FAM161A: variants seen among roughly 807,000 people sequenced by gnomAD.
FAM161A encodes protein FAM161A.
Under a neutral mutation model 70.9 loss-of-function variants are expected in FAM161A, and 57 were observed. That is an observed-to-expected ratio of 0.80 (90% confidence interval 0.65 to 1.00). The LOEUF (loss-of-function observed/expected upper bound fraction) is 1.00. Ranked by LOEUF, FAM161A falls within the 50% of genes least tolerant of loss-of-function variation. The pLI is 0.00. For missense variants in FAM161A, 880 were observed against 836.0 expected, an observed-to-expected ratio of 1.05 and a Z score of -0.65; for synonymous variants, 299 against 295.7, an observed-to-expected ratio of 1.01 and a Z score of -0.12.
chr2:61,817,372 C>T, the FAM161A span, among the ~76,000 whole-genome samples: 1 of 152,144 alleles, frequency 6.6e-6, no homozygotes, highest in Non-Finnish European at 1.5e-5. Flanking sequence ...CTTCTCTGTA[C>T]CTGGTACAAG....
rs1672959627 is a variant in FAM161A, at chr2:61,840,184, C to T, written c.820G>A (p.Glu274Lys). Residue 274 changes from glutamate to lysine, a missense_variant, in exon 3 of 7, where the codon GAG (glutamate) becomes AAG (lysine). Glu to Lys is a moderately conservative substitution (Grantham distance 56, BLOSUM62 1). Coordinates refer to ENST00000404929, the MANE Select transcript of FAM161A (RefSeq NM_001201543.2). ...MVHKALKKQE[E>K]DPEYKKKFRA... is the part of the protein sequence containing the mutation. ...AATTTCTTCTTATACTCTGGATCCT[C>T]TTCTTGTTTTTTGAGCGCTTTATGT... is the stretch of plus-strand genomic sequence containing the variant. 6.2e-7 allele frequency: 1 copy of T among 1,613,912 alleles called. No individual in the cohort carries two copies. Among genetic ancestry groups the T allele is most frequent in the African/African-American group, 1.3e-5 (1 of 74,870 alleles).
At chr2:61,852,401 T>C (rs917202196) in intron 1 of FAM161A, among the ~76,000 whole-genome samples, 5 of 152,202 alleles carry the variant, frequency 3.3e-5, no homozygotes, top group Non-Finnish European at 5.9e-5. Context: ...CTCATTTACA[T>C]AGATTGCTCT....
chr2:61,846,872 G>C, intron 1 of FAM161A: 2 of 451,744 alleles, frequency 4.4e-6, no homozygotes, highest in South Asian at 3.2e-5. Flanking sequence ...CCAGTATGCA[G>C]TTTTCACTCG....
intron 1 of FAM161A, among the ~76,000 whole-genome samples, chr2:61,853,535 A>G: frequency 6.6e-6 from 1 of 152,212 alleles, no homozygotes; most frequent in East Asian, 1.9e-4. Flanking sequence ...ATAGCCAGAT[A>G]TATCTCTATA....
chr2:61,810,051 A>C, the FAM161A span, among the ~76,000 whole-genome samples: 1 of 152,206 alleles, frequency 6.6e-6, no homozygotes, highest in Non-Finnish European at 1.5e-5. Context: ...CCCAGGCAAG[A>C]CCAGCAGAAA....
At chr2:61,849,328 G>C (rs1265873889) in intron 1 of FAM161A, among the ~76,000 whole-genome samples, 1 of 150,174 alleles carries the variant, frequency 6.7e-6, no homozygotes, top group Non-Finnish European at 1.5e-5. Context: ...AGCGTCATAT[G>C]TAACATTTGA....
At chr2:61,821,028 T>A (rs1188384186), downstream of FAM161A, among the ~76,000 whole-genome samples, 2 of 152,214 alleles carry the variant, frequency 1.3e-5, no homozygotes, top group African/African-American at 4.8e-5. Context: ...GATATAAGCA[T>A]ACATTTTATG....
rs910936601 is a variant in FAM161A at position 61,840,502 on chromosome 2, A to G, written c.502T>C (p.Ser168Pro). The G allele has an allele frequency of 1.2e-6, 2 of 1,614,032 alleles. No homozygotes were observed. Among genetic ancestry groups the G allele is most frequent in the Non-Finnish European group, 1.7e-6 (2 of 1,179,906 alleles). The change falls in exon 3 of 7, where the codon TCC becomes CCC. Residue 168 changes from serine (S) to proline (P), a missense_variant. Ser to Pro is a moderately conservative substitution (Grantham distance 74). Transcript: ENST00000404929. ...FSEPDLGQSS[S>P]LYVSSSEEEL... ...TCTTCAGAGGAGGACACATACAAGG[A>G]GGAAGACTGGCCTAAATCAGGCTCT...
intron 1 of FAM161A, among the ~76,000 whole-genome samples, chr2:61,852,804 G>T (rs992561697): frequency 1.3e-5 from 2 of 152,158 alleles, no homozygotes; most frequent in African/African-American, 4.8e-5. Flanking sequence ...AGATTAAAGA[G>T]ATCAGAATTC....
intron 1 of FAM161A, among the ~76,000 whole-genome samples, chr2:61,848,938 ATT>A (rs1269731570): frequency 0.017 from 34 of 2,014 alleles, 13 homozygotes; most frequent in Non-Finnish European, 0.017. Context: ...ATATATATAT[ATT>A]TATATATATT....
the FAM161A span, among the ~76,000 whole-genome samples, chr2:61,811,214 A>G: frequency 1.1e-4 from 17 of 152,044 alleles, no homozygotes. Flanking sequence ...TTATTTTTTT[A>G]TGAGACAGAG....
At chr2:61,851,328 T>C (rs960811674) in intron 1 of FAM161A, among the ~76,000 whole-genome samples, 11 of 152,014 alleles carry the variant, frequency 7.2e-5, no homozygotes, top group African/African-American at 2.2e-4. Context: ...GAGATTTTAT[T>C]TTTTCTTTTT....
At chr2:61,804,768 G>GGAAAGAAAGAAAGAA in the FAM161A span, among the ~76,000 whole-genome samples, 1 of 118,952 alleles carries the variant, frequency 8.4e-6, no homozygotes, top group Non-Finnish European at 1.7e-5. Context: ...GAAAAAGAAA[G>GGAAAGAAAGAAAGAA]AGAAAGAAAG....
chr2:61,807,885 C>T, the FAM161A span, among the ~76,000 whole-genome samples: 1 of 152,176 alleles, frequency 6.6e-6, no homozygotes, highest in Non-Finnish European at 1.5e-5. Context: ...AAATAAACCT[C>T]CTGCCTTGGC....
intron 3 of FAM161A, 103 bp from the exon 4 acceptor site, chr2:61,838,808 G>A (rs1672871037): frequency 1.4e-6 from 1 of 735,942 alleles, no homozygotes; most frequent in Non-Finnish European, 1.9e-6. Context: ...TTCAAAATTT[G>A]AAAAAAGGTA....
At chr2:61,804,804 AAGAAAGAAAGAAAG>A in the FAM161A span, among the ~76,000 whole-genome samples, 1 of 150,260 alleles carries the variant, frequency 6.7e-6, no homozygotes, top group African/African-American at 2.5e-5. Flanking sequence ...GAAAGAAAGA[AAGAAAGAAAGAAAG>A]AGAAAGAGAA....
chr2:61,840,193 T>C lies in FAM161A; in HGVS notation c.811A>G (p.Lys271Glu). The change falls in exon 3 of 7, where the codon AAA becomes GAA. Residue 271 changes from lysine to glutamate, a missense_variant. Coordinates refer to ENST00000404929, the MANE Select transcript of FAM161A (RefSeq NM_001201543.2). ...TTATACTCTGGATCCTCTTCTTGTT[T>C]TTTGAGCGCTTTATGTACCATTTCG... Reference protein sequence around the residue: ...DIEMVHKALKKQEEDPEYKKK... With the variant: ...DIEMVHKALKEQEEDPEYKKK... 4 of 1,614,088 alleles carry C rather than the reference T, an allele frequency of 2.5e-6. No individual in the cohort carries two copies. The South Asian group carries it at 4.4e-5, about 18-fold the overall frequency.
the FAM161A span, among the ~76,000 whole-genome samples, chr2:61,819,765 C>T: frequency 6.6e-6 from 1 of 152,066 alleles, no homozygotes; most frequent in Admixed American, 6.6e-5. Context: ...CAAAAGGATG[C>T]TGTGGGTTTT....
At chr2:61,810,976 C>T in the FAM161A span, among the ~76,000 whole-genome samples, 5,872 of 152,206 alleles carry the variant, frequency 0.039, 555 homozygotes, top group East Asian at 0.35. Flanking sequence ...CTTCCCAAAC[C>T]CATTTCTTCC....
Sources: allele counts gnomAD v4.1 joint callset (sites outside exome capture counted in the v4.1 genomes callset), GRCh38; gene constraint gnomAD v4.1.1; transcripts MANE v1.5; gene names NCBI Gene and HGNC (gene_info 2026-07-23, HGNC 2026-07-21).